Variants in WDR27 observed in about 807,000 individuals in gnomAD.
The protein encoded by WDR27 is WD repeat-containing protein 27.
In WDR27, 100 loss-of-function variants were observed where a neutral mutation model predicts 114.4. That is an observed-to-expected ratio of 0.87 (90% CI 0.74 to 1.03). The LOEUF (loss-of-function observed/expected upper bound fraction) is 1.03. Among genes scored for constraint, WDR27 ranks in the 50% least tolerant of loss-of-function variants. The probability of loss-of-function intolerance (pLI) is 0.00; values close to 1 mark genes in which losing one functional copy is unlikely to be tolerated. For synonymous variants in WDR27, 449 were observed against 423.1 expected, an observed-to-expected ratio of 1.06 and a Z score of -0.75; for missense variants, 1,129 against 1,092.9, an observed-to-expected ratio of 1.03 and a Z score of -0.47.
rs201281369 is a variant in WDR27, at chr6:169,544,426, C to CTTTTT, written c.2645+27988_2645+27992dup. Reference sequence around the variant, plus strand: ...CATAAAATCAGTCTCATTTCTTTTCCTTTTTTTTTTTTTTGTTTGTTTGTT... The same window carrying CTTTTT: ...CATAAAATCAGTCTCATTTCTTTTCCTTTTTTTTTTTTTTTTTTTGTTTGTTTGTT... On this transcript the variant is annotated intron_variant, in intron 25 of 25. Coordinates refer to ENST00000448612, the MANE Select transcript of WDR27 (RefSeq NM_182552.5). Among the ~76,000 whole-genome samples, 65 of 140,804 alleles carry CTTTTT rather than the reference C, an allele frequency of 4.6e-4. No homozygotes were observed. In the East Asian group the frequency reaches 5.7e-3, roughly 12 times the overall value. The allele number at this position is 140,804 out of a possible 152,430, so 92.4% of individuals were successfully genotyped here. A position where few individuals can be genotyped will look rare whatever the true frequency, so the allele number is the denominator to read the frequency against.
chr6:169,522,322 T>A (rs763563299), intron 25 of WDR27, among the ~76,000 whole-genome samples: 2 of 152,188 alleles, frequency 1.3e-5, no homozygotes, highest in Non-Finnish European at 2.9e-5. Flanking sequence ...CTCCCAAGTA[T>A]ATAAACATTA....
chr6:169,460,674 C>CTATA (rs1784802646), intron 25 of WDR27, among the ~76,000 whole-genome samples: 1 of 152,166 alleles, frequency 6.6e-6, no homozygotes, highest in Non-Finnish European at 1.5e-5. Context: ...CATAATTCAA[C>CTATA]TATAGTTGCC....
At chr6:169,579,805 C>A (rs183876971) in intron 24 of WDR27, among the ~76,000 whole-genome samples, 1 of 152,192 alleles carries the variant, frequency 6.6e-6, no homozygotes, top group Admixed American at 6.5e-5. Context: ...GTGCAGCTAC[C>A]GTTCTGCTAC....
At chr6:169,670,841 T>A in intron 3 of WDR27, 148 bp from the exon 4 acceptor site, 1 of 1,120,354 alleles carries the variant, frequency 8.9e-7, no homozygotes, top group Non-Finnish European at 1.3e-6. Context: ...TCTTTAAGAA[T>A]ATCAAAAATA....
rs576125037 is a variant in WDR27 at position 169,457,335 on chromosome 6, T to C, written c.*257A>G. 6 of 373,574 alleles carry C rather than the reference T, an allele frequency of 1.6e-5. No individual in the cohort carries two copies. The highest frequency in any genetic ancestry group is 1.2e-4 in the African/African-American group (6 of 48,072). The allele number at this position is 373,574 out of a possible 1,614,324, so 23.1% of individuals were successfully genotyped here. ...GATATTTTGTTTTAACTTTACCAAA[T>C]TCTGTGCAGAAGTACTGGACGCCAT... is the stretch of plus-strand genomic sequence containing the variant. On this transcript the variant is annotated 3_prime_UTR_variant, in exon 26 of 26. Transcript: ENST00000448612.
chr6:169,468,893 T>C (rs190192063), intron 25 of WDR27, among the ~76,000 whole-genome samples: 57 of 152,190 alleles, frequency 3.7e-4, no homozygotes, highest in Non-Finnish European at 6.8e-4. Flanking sequence ...TGCGGAAGGA[T>C]ACCTTCTGAC....
At chr6:169,585,411 G>A (rs957468778) in intron 23 of WDR27, among the ~76,000 whole-genome samples, 2 of 152,166 alleles carry the variant, frequency 1.3e-5, no homozygotes, top group Non-Finnish European at 2.9e-5. Context: ...CAATGACTAA[G>A]CAGGTTTTGA....
intron 24 of WDR27, among the ~76,000 whole-genome samples, chr6:169,577,834 T>C (rs1274908441): frequency 6.6e-6 from 1 of 152,194 alleles, no homozygotes. Flanking sequence ...CCCCTTGGGC[T>C]AGGACTTAGA....
chr6:169,603,183 T>C (rs1400353863), intron 22 of WDR27, among the ~76,000 whole-genome samples: 1 of 149,880 alleles, frequency 6.7e-6, no homozygotes, highest in African/African-American at 2.5e-5. Context: ...AGAGTCTCGC[T>C]CTGTCACCCA....
chr6:169,586,098 C>A (rs1804502574), intron 23 of WDR27, among the ~76,000 whole-genome samples: 1 of 152,182 alleles, frequency 6.6e-6, no homozygotes, highest in African/African-American at 2.4e-5. Flanking sequence ...TCTTCCATGT[C>A]TTCTTCCTCA....
chr6:169,481,923 C>T (rs1347374440), intron 25 of WDR27, among the ~76,000 whole-genome samples: 1 of 152,220 alleles, frequency 6.6e-6, no homozygotes. Flanking sequence ...GTCAGGCAGA[C>T]CAAGAACACA....
intron 25 of WDR27, among the ~76,000 whole-genome samples, chr6:169,469,822 T>C (rs545204907): frequency 1.3e-5 from 2 of 152,340 alleles, no homozygotes; most frequent in Non-Finnish European, 2.9e-5. Flanking sequence ...CCCATCTCTA[T>C]TCCCAGCATC....
intron 25 of WDR27, among the ~76,000 whole-genome samples, chr6:169,469,277 C>T (rs567244518): frequency 2.6e-5 from 4 of 152,210 alleles, no homozygotes; most frequent in African/African-American, 4.8e-5. Context: ...CCTTTGAAAA[C>T]GAAAGTTATA....
intron 3 of WDR27, chr6:169,671,388 G>C (rs1006870266): frequency 1.3e-5 from 2 of 152,362 alleles, no homozygotes; most frequent in Admixed American, 6.5e-5. Flanking sequence ...GGAGCCTAGA[G>C]AGACACACAT....
chr6:169,689,511 G>C (rs1450485386), intron 1 of WDR27, among the ~76,000 whole-genome samples: 1 of 152,208 alleles, frequency 6.6e-6, no homozygotes, highest in Admixed American at 6.5e-5. Flanking sequence ...ACCTGGGCTT[G>C]ATTCAACAAT....
intron 3 of WDR27, 129 bp from the exon 4 acceptor site, chr6:169,670,822 G>A (rs1443774034): frequency 1.6e-6 from 2 of 1,289,990 alleles, no homozygotes; most frequent in Middle Eastern, 2.0e-4. Flanking sequence ...GCTTTGATGT[G>A]ATTTTGATTC....
intron 25 of WDR27, among the ~76,000 whole-genome samples, chr6:169,502,885 A>T (rs16888074): frequency 2.0e-5 from 3 of 152,006 alleles, no homozygotes; most frequent in South Asian, 2.1e-4. Flanking sequence ...AGATTCGAGT[A>T]GATGGATTTG....
intron 25 of WDR27, among the ~76,000 whole-genome samples, chr6:169,557,021 A>G (rs184207784): frequency 1.3e-5 from 2 of 152,328 alleles, no homozygotes; most frequent in Non-Finnish European, 2.9e-5. Flanking sequence ...TTAAGCACAC[A>G]TCGCCCTCAG....
chr6:169,661,764 A>C (rs73240750), intron 9 of WDR27, among the ~76,000 whole-genome samples: 10,502 of 152,244 alleles, frequency 0.069, 663 homozygotes, highest in East Asian at 0.19. Flanking sequence ...CACAGAGACA[A>C]AGACAAGCAA....
Sources: gnomAD v4.1 joint callset for allele counts (sites outside exome capture counted in the v4.1 genomes callset) on GRCh38, gnomAD v4.1.1 for gene constraint, MANE v1.5 for transcripts, NCBI Gene and HGNC (gene_info 2026-07-23, HGNC 2026-07-21) for gene names.